ANKS1B: variants seen among roughly 807,000 people sequenced by gnomAD.
ANKS1B encodes the protein ankyrin repeat and sterile alpha motif domain containing 1B, also known as ankyrin repeat and sterile alpha motif domain-containing protein 1B.
Under a neutral mutation model 148.3 loss-of-function variants are expected in ANKS1B, and 36 were observed. The ratio of observed to expected loss-of-function variants is 0.24; its 90% confidence interval spans 0.19 to 0.32. The LOEUF is 0.32. ANKS1B is among the 10% of genes least tolerant of loss of function. The pLI is 1.00. For synonymous variants in ANKS1B, 542 were observed against 560.8 expected, an observed-to-expected ratio of 0.97 and a Z score of 0.47; for missense variants, 1,157 against 1,542.6, an observed-to-expected ratio of 0.75 and a Z score of 4.19.
intron 12 of ANKS1B, among the ~76,000 whole-genome samples, chr12:99,283,489 T>C (rs975380617): frequency 6.6e-6 from 1 of 152,178 alleles, no homozygotes; most frequent in Non-Finnish European, 1.5e-5. Flanking sequence ...TAAAGGAGAG[T>C]GGTCACTAAT....
At chr12:99,479,714 A>G (rs534985981) in intron 10 of ANKS1B, among the ~76,000 whole-genome samples, 1 of 152,088 alleles carries the variant, frequency 6.6e-6, no homozygotes, top group Non-Finnish European at 1.5e-5. Flanking sequence ...AATGGTTACC[A>G]GACGTTGGAG....
At chr12:99,247,433 T>C (rs2074008079) in intron 12 of ANKS1B, among the ~76,000 whole-genome samples, 1 of 152,168 alleles carries the variant, frequency 6.6e-6, no homozygotes, top group South Asian at 2.1e-4. Flanking sequence ...TTACATAATT[T>C]AGACAAAAAA....
At chr12:99,463,163 A>T (rs1419883550) in intron 10 of ANKS1B, among the ~76,000 whole-genome samples, 1 of 152,274 alleles carries the variant, frequency 6.6e-6, no homozygotes, top group African/African-American at 2.4e-5. Flanking sequence ...ACAAAAGAAA[A>T]GTACAAATAA....
intron 14 of ANKS1B, among the ~76,000 whole-genome samples, chr12:99,232,302 G>T (rs10777964): frequency 0.061 from 9,331 of 152,214 alleles, 553 homozygotes; most frequent in East Asian, 0.22. Flanking sequence ...AGAAGAAAAT[G>T]CCAGCCTTAA....
At chr12:99,973,878 T>C (rs1036143239) in intron 1 of ANKS1B, among the ~76,000 whole-genome samples, 4 of 152,198 alleles carry the variant, frequency 2.6e-5, no homozygotes, top group Admixed American at 6.5e-5. Context: ...CTGTGAACAT[T>C]GCTGAAACAT....
intron 12 of ANKS1B, among the ~76,000 whole-genome samples, chr12:99,385,203 TCA>T (rs2093808885): frequency 6.6e-6 from 1 of 152,242 alleles, no homozygotes; most frequent in Admixed American, 6.5e-5. Context: ...GTGTAGTGGC[TCA>T]CGCCTGTAAT....
intron 8 of ANKS1B, among the ~76,000 whole-genome samples, chr12:99,713,918 G>A (rs1310027715): frequency 1.3e-5 from 2 of 152,112 alleles, no homozygotes; most frequent in Non-Finnish European, 2.9e-5. Context: ...ATCTATGTTA[G>A]CTTCCTACTT....
intron 3 of ANKS1B, among the ~76,000 whole-genome samples, chr12:99,811,826 T>C (rs1036899848): frequency 2.6e-5 from 4 of 151,932 alleles, no homozygotes; most frequent in Non-Finnish European, 4.4e-5. Flanking sequence ...TTAAGAAACA[T>C]TGTAATTCTC....
chr12:99,015,447 G>C (rs962569548), intron 17 of ANKS1B, among the ~76,000 whole-genome samples: 1 of 152,286 alleles, frequency 6.6e-6, no homozygotes, highest in African/African-American at 2.4e-5. Flanking sequence ...GAAATAATCT[G>C]TATGATAACC....
chr12:99,322,707 T>C (rs1387175536), intron 12 of ANKS1B, among the ~76,000 whole-genome samples: 1 of 152,176 alleles, frequency 6.6e-6, no homozygotes, highest in Non-Finnish European at 1.5e-5. Context: ...TTTTCATATT[T>C]GCCTTTCTTC....
intron 12 of ANKS1B, among the ~76,000 whole-genome samples, chr12:99,306,173 T>C (rs1012926651): frequency 6.6e-6 from 1 of 152,054 alleles, no homozygotes; most frequent in African/African-American, 2.4e-5. Flanking sequence ...CCAACAGTTA[T>C]TGGAGGAGTT....
chr12:98,747,787 G>C (rs969040691), intron 26 of ANKS1B, among the ~76,000 whole-genome samples: 2 of 152,152 alleles, frequency 1.3e-5, no homozygotes, highest in Admixed American at 6.5e-5. Context: ...AAAAGAATGA[G>C]ATCCTGTCAT....
chr12:99,201,921 C>CTTCATTCATTCATTCA lies in ANKS1B; in HGVS notation c.2419+42405_2419+42420dup, dbSNP rs150033450. 9.5e-3 allele frequency among the ~76,000 whole-genome samples: 1,444 copies of CTTCATTCATTCATTCA among 151,224 alleles called. 17 individuals carry two copies. Among genetic ancestry groups the CTTCATTCATTCATTCA allele is most frequent in the Admixed American group, 0.032 (478 of 15,138 alleles). ...ACTGCTAAGTGGTTGTAATATTTGACTTCATTCATTCATTCATTCATTCAT... is the reference window on the plus strand; with the variant it reads ...ACTGCTAAGTGGTTGTAATATTTGACTTCATTCATTCATTCATTCATTCATTCATTCATTCATTCAT... On this transcript the variant is annotated intron_variant, in intron 14 of 26. Coordinates refer to ENST00000683438, the MANE Select transcript of ANKS1B (RefSeq NM_001352186.2).
chr12:99,720,394 T>C (rs1040063422), intron 8 of ANKS1B, among the ~76,000 whole-genome samples: 1 of 152,198 alleles, frequency 6.6e-6, no homozygotes, highest in African/African-American at 2.4e-5. Context: ...CTGTCAGACA[T>C]AATTCCTCAG....
chr12:98,810,507 G>A (rs1025343789), intron 19 of ANKS1B, among the ~76,000 whole-genome samples: 1 of 152,166 alleles, frequency 6.6e-6, no homozygotes, highest in African/African-American at 2.4e-5. Flanking sequence ...CTTGGTTGGA[G>A]GTGCTTCCCA....
At chr12:99,890,570 GGTGTGTGTGTGTGTGT>G (rs10603901) in intron 1 of ANKS1B, among the ~76,000 whole-genome samples, 2,784 of 138,036 alleles carry the variant, frequency 0.02, 43 homozygotes, top group Non-Finnish European at 0.026. Context: ...TCGCATTCAT[GGTGTGTGTGTGTGTGT>G]GTGTGTGTGT....
intron 8 of ANKS1B, among the ~76,000 whole-genome samples, chr12:99,750,144 G>GTAAAT (rs1435637878): frequency 6.6e-6 from 1 of 151,964 alleles, no homozygotes; most frequent in Non-Finnish European, 1.5e-5. Flanking sequence ...CTTTAAATAT[G>GTAAAT]TAAATTTGTG....
At chr12:98,819,408 T>G (rs1170591577) in intron 19 of ANKS1B, among the ~76,000 whole-genome samples, 1 of 152,146 alleles carries the variant, frequency 6.6e-6, no homozygotes, top group Non-Finnish European at 1.5e-5. Flanking sequence ...TTTAATATAG[T>G]GAAGGGAAAA....
intron 3 of ANKS1B, among the ~76,000 whole-genome samples, chr12:99,807,136 G>T (rs1366507762): frequency 2.6e-5 from 4 of 152,130 alleles, no homozygotes; most frequent in Non-Finnish European, 5.9e-5. Flanking sequence ...GTAACAAAAG[G>T]TTTATAGAAA....
Sources: allele counts gnomAD v4.1 joint callset (sites outside exome capture counted in the v4.1 genomes callset), GRCh38; gene constraint gnomAD v4.1.1; transcripts MANE v1.5; gene names NCBI Gene and HGNC (gene_info 2026-07-23, HGNC 2026-07-21).